The following XAB2 variants were observed in gnomAD, a reference collection of about 807,000 sequenced individuals.
The protein encoded by XAB2 is XPA binding protein 2, also known as pre-mRNA-splicing factor SYF1.
XAB2 carries 57 observed loss-of-function variants against 113.4 expected under a neutral mutation model. The ratio of observed to expected loss-of-function variants is 0.50; its 90% CI spans 0.41 to 0.63. XAB2 has a LOEUF of 0.63. Ranked by LOEUF, XAB2 falls within the 20% of genes least tolerant of loss-of-function variation. XAB2 has a pLI of 0.00. For missense variants in XAB2, 1,037 were observed against 1,233.3 expected (o/e 0.84, Z 2.38); for synonymous variants, 497 against 498.8 (o/e 1.00, Z 0.05).
chr19:7,629,514 G>A lies in XAB2; in HGVS notation c.14C>T (p.Ala5Val), dbSNP rs781412220. MVVM[A>V]RLSRPERPDL... ...CGGCCGCTCGGGCCGCGAGAGTCGC[G>A]CCATCACCACCATTTTTCTGGATGC... The change falls in exon 1 of 19, where the codon GCG (alanine) becomes GTG (valine). Residue 5 changes from alanine (A) to valine (V), a missense_variant. Ala to Val is a moderately conservative substitution (Grantham distance 64). Transcript: ENST00000358368. The A allele has an allele frequency of 6.2e-7, 1 of 1,605,188 alleles. No homozygotes were observed. The highest frequency in any genetic ancestry group is 1.3e-5 in the African/African-American group (1 of 74,928).
intron 13 of XAB2, 41 bp from the exon 14 acceptor site, chr19:7,621,077 G>T (rs776416010): frequency 6.5e-7 from 1 of 1,540,054 alleles, no homozygotes; most frequent in South Asian, 1.2e-5. Context: ...CGGTCAGCCG[G>T]GGCCAGTCAG....
At position 7,628,252 on chromosome 19, in the gene XAB2, A is replaced by G. The variant is rs377139236; in HGVS notation, c.98T>C (p.Phe33Ser). Reference sequence around the variant, plus strand: ...GTAGCGAAGCCAGCATTTGACAGAGAATTGGTTCCGCATGATTTCCTCCTC... The same window carrying G: ...GTAGCGAAGCCAGCATTTGACAGAGGATTGGTTCCGCATGATTTCCTCCTC... ...PYEEEIMRNQ[F>S]SVKCWLRYIE... Residue 33 changes from phenylalanine to serine, a missense_variant, in exon 2 of 19, where the codon TTC becomes TCC. Coordinates refer to ENST00000358368, the MANE Select transcript of XAB2 (RefSeq NM_020196.3). This position sits in a 1 kb window ranked among gnomAD's most constrained non-coding sequence, Gnocchi z 4.6. 1 of 1,613,966 alleles carries G rather than the reference A, an allele frequency of 6.2e-7. No individual in the cohort carries two copies. Among genetic ancestry groups the G allele is most frequent in the African/African-American group, 1.3e-5 (1 of 74,880 alleles).
In XAB2 at chr19:7,620,966, C is replaced by T; in HGVS notation, c.1851G>A (p.Glu617=). 1.3e-6 allele frequency: 2 copies of T among 1,579,486 alleles called. No individual in the cohort carries two copies. The highest frequency in any genetic ancestry group is 1.2e-5 in the South Asian group (1 of 86,430). Residue 617 remains glutamate (E), a synonymous_variant, in exon 14 of 19, where the codon GAG becomes GAA. Transcript: ENST00000358368. ...GLARHAMAVY[E]RATRAVEPAQ... ...CGGGCTCCACGGCCCTGGTGGCACGCTCGTACACGGCCATGGCATGCCGGG... is the reference window on the plus strand; with the variant it reads ...CGGGCTCCACGGCCCTGGTGGCACGTTCGTACACGGCCATGGCATGCCGGG...
At position 7,625,329 on chromosome 19, in the gene XAB2, G is replaced by A. The variant is rs2031115386; in HGVS notation, c.822+551C>T. Among the ~76,000 whole-genome samples, 1 of 152,222 alleles carries A rather than the reference G, an allele frequency of 6.6e-6. No homozygotes were observed. Among genetic ancestry groups the A allele is most frequent in the South Asian group, 2.1e-4 (1 of 4,832 alleles). ...AATGAAGACACCCCACCTTAGTGGGGCCAAGGCCGCAGAGCCAGAGGGTGA... is the reference window on the plus strand; with the variant it reads ...AATGAAGACACCCCACCTTAGTGGGACCAAGGCCGCAGAGCCAGAGGGTGA... On this transcript the variant is annotated intron_variant, in intron 6 of 18. Transcript: ENST00000358368. This position sits in a 1 kb window ranked among gnomAD's most constrained non-coding sequence, Gnocchi z 5.2.
chr19:7,620,161 C>G, intron 16 of XAB2, 86 bp from the exon 17 acceptor site: 1 of 1,592,414 alleles, frequency 6.3e-7, no homozygotes, highest in Non-Finnish European at 8.5e-7. Flanking sequence ...CAGGTGATGG[C>G]CCAGCCCTCA....
Position 7,623,164 on chromosome 19 carries a change from G to C in XAB2, c.1239+6C>G. The C allele has an allele frequency of 6.2e-7, 1 of 1,613,238 alleles. No individual in the cohort carries two copies. The highest frequency in any genetic ancestry group is 8.5e-7 in the Non-Finnish European group (1 of 1,179,840). The stretch of plus-strand genomic sequence containing the variant: ...AACACACAGGCACACGCAACAGGGT[G>C]CTCACATCGTCCAGCTGTCCGTTGT... On this transcript the variant is annotated splice_donor_region_variant and intron_variant, in intron 9 of 18. Coordinates refer to ENST00000358368, the MANE Select transcript of XAB2 (RefSeq NM_020196.3). This position sits in a 1 kb window ranked among gnomAD's most constrained non-coding sequence, Gnocchi z 4.6.
In XAB2 at chr19:7,624,353, G is replaced by A; in HGVS notation, c.915C>T (p.Ser305=). 6.2e-7 allele frequency: 1 copy of A among 1,614,170 alleles called. No homozygotes were observed. The highest frequency in any genetic ancestry group is 8.5e-7 in the Non-Finnish European group (1 of 1,180,030). Residue 305 remains serine, a synonymous_variant, in exon 7 of 19, where the codon AGC becomes AGT. Transcript: ENST00000358368. The surrounding 1 kb of genome is among the most constrained non-coding windows in gnomAD (Gnocchi z 4.2). ...VFDSYAQFEE[S]MIAAKMETAS... is the part of the protein sequence containing the mutation. The stretch of plus-strand genomic sequence containing the variant: ...CGGTCTCCATCTTTGCAGCGATCAT[G>A]CTCTCCTCGAACTGGGCGTAGCTGT...
At position 7,627,064 on chromosome 19, in the gene XAB2, G is replaced by A. The variant is rs1232415842; in HGVS notation, c.522+179C>T. Among the ~76,000 whole-genome samples, 1 of 152,212 alleles carries A rather than the reference G, an allele frequency of 6.6e-6. No individual in the cohort carries two copies. Among genetic ancestry groups the A allele is most frequent in the Non-Finnish European group, 1.5e-5 (1 of 68,046 alleles). ...CATCGCTATGCCTAATGTGAAACCA[G>A]TGTGAACAAACTATTTGGAAAATAA... On this transcript the variant is annotated intron_variant, in intron 4 of 18. Transcript: ENST00000358368. The surrounding 1 kb of genome is among the most constrained non-coding windows in gnomAD (Gnocchi z 4.5).
At chr19:7,619,708 C>T in intron 18 of XAB2, 39 bp downstream of exon 18, 1 of 1,610,434 alleles carries the variant, frequency 6.2e-7, no homozygotes, top group South Asian at 1.1e-5. Context: ...GAGGCCCACC[C>T]TGGTAATGCC....
In XAB2 at chr19:7,623,077, TC is replaced by T; in HGVS notation, c.1239+92del. 6.3e-7 allele frequency: 1 copy of T among 1,576,548 alleles called. No individual in the cohort carries two copies. Among genetic ancestry groups the T allele is most frequent in the Non-Finnish European group, 8.6e-7 (1 of 1,161,732 alleles). On this transcript the variant is annotated intron_variant, in intron 9 of 18. Transcript: ENST00000358368. The surrounding 1 kb of genome is among the most constrained non-coding windows in gnomAD (Gnocchi z 4.6). ...GCACATGCACACACACGTGCACACA[TC>T]CATGCACAAATATGTACACACACAT...
In XAB2 at chr19:7,627,461, G is replaced by A. The variant is rs931326623; in HGVS notation, c.325-21C>T. The A allele has an allele frequency of 1.5e-5, 24 of 1,590,720 alleles. 1 individual carries two copies. In the Admixed American group the frequency reaches 2.3e-4, roughly 15 times the overall value. Reference sequence around the variant, plus strand: ...GGCATCTGGGGGTGTGGGGAGAGGCGGCTGGGGCTAAGCCACGGACTCCAT... The same window carrying A: ...GGCATCTGGGGGTGTGGGGAGAGGCAGCTGGGGCTAAGCCACGGACTCCAT... On this transcript the variant is annotated intron_variant, in intron 3 of 18. Transcript: ENST00000358368. This position sits in a 1 kb window ranked among gnomAD's most constrained non-coding sequence, Gnocchi z 4.5.
chr19:7,629,415 C>T, intron 1 of XAB2, 62 bp downstream of exon 1: 1 of 1,551,238 alleles, frequency 6.4e-7, no homozygotes, highest in Non-Finnish European at 8.7e-7. Context: ...GCCTCGATCC[C>T]CTGCGGCGTC....
rs750302571 is a variant in XAB2, at chr19:7,627,864, A to AG, written c.201-14dup. The stretch of plus-strand genomic sequence containing the variant: ...CCAGAGTTTGTAGCTGGGGAATAGG[A>AG]GGGGACAGATGCTGATCGGTCAGCT... On this transcript the variant is annotated splice_polypyrimidine_tract_variant and intron_variant, in intron 2 of 18. Coordinates refer to ENST00000358368, the MANE Select transcript of XAB2 (RefSeq NM_020196.3). The surrounding 1 kb of genome is among the most constrained non-coding windows in gnomAD (Gnocchi z 4.5). 6.8e-6 allele frequency: 11 copies of AG among 1,610,288 alleles called. No homozygotes were observed. The Admixed American group carries it at 1.7e-4, about 24-fold the overall frequency.
rs774698695 is a variant in XAB2, at chr19:7,622,346, G to A, written c.1602C>T (p.Phe534=). Residue 534 remains phenylalanine (F), a synonymous_variant, in exon 12 of 19, where the codon TTC becomes TTT. Transcript: ENST00000358368. ...AGCCCCTCACCTTGAAGCTCTCCTC[G>A]AAGTACTTGTGCTCCTCCAGGAACA... ...YAMFLEEHKY[F]EESFKAYERG... is the part of the protein sequence containing the mutation. The A allele has an allele frequency of 2.0e-5, 32 of 1,614,026 alleles. No homozygotes were observed. In the South Asian group the frequency reaches 2.3e-4, roughly 12 times the overall value.
In XAB2 at chr19:7,620,663, A is replaced by T. The variant is rs1354746181; in HGVS notation, c.1978T>A (p.Ser660Thr). Residue 660 changes from serine (S) to threonine (T), a missense_variant, in exon 15 of 19, where the codon TCG becomes ACG. By Grantham distance (58) the Ser-to-Thr change is moderately conservative. Transcript: ENST00000358368. ...CACATCTCACGCGCGTGCTCGTCCG[A>T]CAGCACCTGGACACCGGGGTTGGGG... is the stretch of plus-strand genomic sequence containing the variant. ...GIYQKAIEVLSDEHAREMCLR... is the reference protein window; with the variant it reads ...GIYQKAIEVLTDEHAREMCLR... 1.9e-6 allele frequency: 3 copies of T among 1,612,562 alleles called. No individual in the cohort carries two copies. The highest frequency in any genetic ancestry group is 2.5e-6 in the Non-Finnish European group (3 of 1,179,870).
intron 12 of XAB2, chr19:7,622,011 C>A: frequency 3.6e-6 from 1 of 276,322 alleles, no homozygotes; most frequent in South Asian, 4.5e-5. Flanking sequence ...TAGGGGCCAC[C>A]TAATCCATTA....
Position 7,625,954 on chromosome 19 carries a change from G to T in XAB2, c.748C>A (p.Arg250Ser). Residue 250 changes from arginine (R) to serine (S), a missense_variant, in exon 6 of 19, where the codon CGC becomes AGC. Arg to Ser is a moderately radical substitution (Grantham distance 110, BLOSUM62 -1). Coordinates refer to ENST00000358368, the MANE Select transcript of XAB2 (RefSeq NM_020196.3). The surrounding 1 kb of genome is among the most constrained non-coding windows in gnomAD (Gnocchi z 5.2). ...VDAIIRGGLT[R>S]FTDQLGKLWC... ...AGCTTGCCCAGCTGGTCGGTGAAGCGGGTGAGGCCCCCGCGGATGATGGCG... is the reference window on the plus strand; with the variant it reads ...AGCTTGCCCAGCTGGTCGGTGAAGCTGGTGAGGCCCCCGCGGATGATGGCG... The T allele has an allele frequency of 1.9e-6, 3 of 1,613,810 alleles. No homozygotes were observed. The highest frequency in any genetic ancestry group is 1.1e-5 in the South Asian group (1 of 91,050).
Position 7,628,928 on chromosome 19 carries a change from G to A in XAB2, c.51+549C>T, listed in dbSNP as rs4134815. On this transcript the variant is annotated intron_variant, in intron 1 of 18. Coordinates refer to ENST00000358368, the MANE Select transcript of XAB2 (RefSeq NM_020196.3). This position sits in a 1 kb window ranked among gnomAD's most constrained non-coding sequence, Gnocchi z 4.6. ...CACCAGAAGCCAAGCCTTTAACTCTGCACACCAAGAATCTGGTGAAGATGT... is the reference window on the plus strand; with the variant it reads ...CACCAGAAGCCAAGCCTTTAACTCTACACACCAAGAATCTGGTGAAGATGT... Among the ~76,000 whole-genome samples the A allele has an allele frequency of 0.12, 18,240 of 152,222 alleles. 1,146 individuals are homozygous for A. Among genetic ancestry groups the A allele is most frequent in the Non-Finnish European group, 0.14 (9,685 of 67,986 alleles).
intron 13 of XAB2, 41 bp downstream of exon 13, chr19:7,621,094 A>ATG: frequency 1.3e-6 from 2 of 1,494,484 alleles, no homozygotes; most frequent in Non-Finnish European, 9.0e-7. Context: ...TCAGAAACCC[A>ATG]GCCCGCCCGC....
Sources: allele counts gnomAD v4.1 joint callset (sites outside exome capture counted in the v4.1 genomes callset), GRCh38; gene constraint gnomAD v4.1.1; non-coding constraint Gnocchi (gnomAD v3.1); transcripts MANE v1.5; gene names NCBI Gene and HGNC (gene_info 2026-07-23, HGNC 2026-07-21).